The following GRIN2A variants were observed in gnomAD, a reference collection of about 807,000 sequenced individuals.
GRIN2A encodes glutamate ionotropic receptor NMDA type subunit 2A.
In GRIN2A, 22 loss-of-function variants were observed where a neutral mutation model predicts 113.4. The ratio of observed to expected loss-of-function variants is 0.19; its 90% confidence interval spans 0.14 to 0.28. GRIN2A has a LOEUF of 0.28. GRIN2A is among the 10% of genes least tolerant of loss of function. GRIN2A has a pLI of 1.00. For missense variants in GRIN2A, 1,502 were observed against 1,887.0 expected (o/e 0.80, Z 3.78); for synonymous variants, 827 against 738.4 (o/e 1.12, Z -1.94).
chr16:9,816,969 C>T (rs962028771), intron 10 of GRIN2A, among the ~76,000 whole-genome samples: 6 of 152,214 alleles, frequency 3.9e-5, no homozygotes, highest in Non-Finnish European at 8.8e-5. Context: ...AGATCTGTGC[C>T]TGAAAAATCC....
intron 3 of GRIN2A, among the ~76,000 whole-genome samples, chr16:9,930,687 C>G (rs1248169575): frequency 2.6e-5 from 4 of 152,270 alleles, no homozygotes; most frequent in Admixed American, 6.5e-5. Flanking sequence ...TAACTCTGGT[C>G]AAGCTCAGAG....
intron 2 of GRIN2A, among the ~76,000 whole-genome samples, chr16:10,118,290 G>A (rs1451119114): frequency 1.3e-5 from 2 of 152,102 alleles, no homozygotes; most frequent in African/African-American, 4.8e-5. Flanking sequence ...TTGGCTTCAG[G>A]TTCTCATTTA....
intron 4 of GRIN2A, among the ~76,000 whole-genome samples, chr16:9,878,974 C>T (rs1234798403): frequency 1.3e-5 from 2 of 152,158 alleles, no homozygotes; most frequent in African/African-American, 4.8e-5. Context: ...ATTTTCCTCA[C>T]TGTGACCTAA....
At chr16:10,139,012 A>G (rs1331858363) in intron 2 of GRIN2A, among the ~76,000 whole-genome samples, 1 of 152,202 alleles carries the variant, frequency 6.6e-6, no homozygotes, top group Non-Finnish European at 1.5e-5. Context: ...AAGAAAACTG[A>G]AAAAGAACAG....
intron 2 of GRIN2A, among the ~76,000 whole-genome samples, chr16:10,104,815 G>C (rs1450232756): frequency 6.6e-6 from 1 of 152,190 alleles, no homozygotes; most frequent in African/African-American, 2.4e-5. Flanking sequence ...GTCGACGGCA[G>C]GGTATGAGGA....
chr16:10,077,185 A>G (rs1457303256), intron 2 of GRIN2A, among the ~76,000 whole-genome samples: 1 of 152,210 alleles, frequency 6.6e-6, no homozygotes, highest in Non-Finnish European at 1.5e-5. Context: ...CTCCAGAAAG[A>G]ACACAGCACT....
intron 3 of GRIN2A, among the ~76,000 whole-genome samples, chr16:9,931,521 G>A (rs1329992621): frequency 2.0e-5 from 3 of 152,050 alleles, no homozygotes; most frequent in African/African-American, 4.8e-5. Context: ...GTAAATATGT[G>A]GTAAATTCAT....
intron 2 of GRIN2A, among the ~76,000 whole-genome samples, chr16:9,965,930 A>T (rs2045548805): frequency 6.6e-6 from 1 of 152,210 alleles, no homozygotes; most frequent in Non-Finnish European, 1.5e-5. Context: ...CTGGGCTTTT[A>T]AATAAAACAC....
chr16:9,839,446 C>A (rs548553344), intron 7 of GRIN2A, among the ~76,000 whole-genome samples: 3 of 151,856 alleles, frequency 2.0e-5, no homozygotes, highest in South Asian at 2.1e-4. Context: ...CAAGAATTTC[C>A]TTCTTTACAA....
chr16:9,958,063 C>G (rs1213286400), intron 2 of GRIN2A, among the ~76,000 whole-genome samples: 1 of 152,164 alleles, frequency 6.6e-6, no homozygotes, highest in Non-Finnish European at 1.5e-5. Flanking sequence ...TATCTCCAAG[C>G]TGGGTGACTA....
chr16:10,112,733 CA>C (rs2048643009), intron 2 of GRIN2A: 1 of 732,414 alleles, frequency 1.4e-6, no homozygotes, highest in East Asian at 2.6e-5. Flanking sequence ...ACAAAGGGTC[CA>C]TTCAGAAGTT....
intron 2 of GRIN2A, among the ~76,000 whole-genome samples, chr16:10,000,745 T>C (rs758373852): frequency 2.0e-5 from 3 of 152,210 alleles, no homozygotes; most frequent in Non-Finnish European, 4.4e-5. Context: ...CATTTTCCTC[T>C]TTCTCCTTTT....
intron 2 of GRIN2A, among the ~76,000 whole-genome samples, chr16:10,131,667 G>C (rs2049067134): frequency 1.3e-5 from 2 of 152,094 alleles, no homozygotes; most frequent in African/African-American, 4.8e-5. Context: ...AAGACTTCCT[G>C]GGAGACATGG....
intron 2 of GRIN2A, among the ~76,000 whole-genome samples, chr16:10,109,952 C>T (rs913908427): frequency 3.3e-5 from 5 of 151,662 alleles, no homozygotes; most frequent in Non-Finnish European, 5.9e-5. Context: ...GCACAATGTG[C>T]AGGTTAGTTA....
Position 9,957,404 on chromosome 16 carries a change from T to C in GRIN2A, c.415-18853A>G, listed in dbSNP as rs556909656. Among the ~76,000 whole-genome samples, 5 of 152,298 alleles carry C rather than the reference T, an allele frequency of 3.3e-5. No homozygotes were observed. The East Asian group carries it at 9.6e-4, about 29-fold the overall frequency. ...GACCACCCAAGGAAGAACAAGCTCT[T>C]TCACTTCTGCGAGCACTCTTCAGTA... On this transcript the variant is annotated intron_variant, in intron 2 of 12. Coordinates refer to ENST00000330684, the MANE Select transcript of GRIN2A (RefSeq NM_001134407.3).
chr16:10,137,375 C>A lies in GRIN2A; in HGVS notation c.414+42623G>T, dbSNP rs190687142. ...CTGACTCTAAAGTCACATTCTTGCC[C>A]CCTACACATGCTGACAGGTGTTCCT... On this transcript the variant is annotated intron_variant, in intron 2 of 12. Coordinates refer to ENST00000330684, the MANE Select transcript of GRIN2A (RefSeq NM_001134407.3). Among the ~76,000 whole-genome samples, 21 of 152,280 alleles carry A rather than the reference C, an allele frequency of 1.4e-4. 1 individual carries two copies. The South Asian group carries it at 2.9e-3, about 21-fold the overall frequency.
chr16:9,946,249 C>G (rs1172797032), intron 2 of GRIN2A, among the ~76,000 whole-genome samples: 1 of 152,168 alleles, frequency 6.6e-6, no homozygotes, highest in South Asian at 2.1e-4. Context: ...TCTGACTCCA[C>G]GCTTCCAAAC....
In GRIN2A at chr16:9,886,513, T is replaced by C. The variant is rs28410298; in HGVS notation, c.1122+4473A>G. Among the ~76,000 whole-genome samples, 1,440 of 152,268 alleles carry C rather than the reference T, an allele frequency of 9.5e-3. 22 individuals carry two copies. Among genetic ancestry groups the C allele is most frequent in the African/African-American group, 0.032 (1,344 of 41,544 alleles). The stretch of plus-strand genomic sequence containing the variant: ...GAGGTTAAAACCAAGGACAGTTAAC[T>C]AGATGCTAACACTTTCCTTAAGCAT... On this transcript the variant is annotated intron_variant, in intron 4 of 12. Coordinates refer to ENST00000330684, the MANE Select transcript of GRIN2A (RefSeq NM_001134407.3).
At chr16:10,092,201 C>A (rs2048195739) in intron 2 of GRIN2A, among the ~76,000 whole-genome samples, 1 of 152,066 alleles carries the variant, frequency 6.6e-6, no homozygotes, top group Non-Finnish European at 1.5e-5. Context: ...ATAATTCTAC[C>A]CAAACAATAT....
Sources: gnomAD v4.1 joint callset for allele counts (sites outside exome capture counted in the v4.1 genomes callset) on GRCh38, gnomAD v4.1.1 for gene constraint, MANE v1.5 for transcripts, NCBI Gene and HGNC (gene_info 2026-07-23, HGNC 2026-07-21) for gene names.